Variants in GPC6 observed in about 807,000 individuals in gnomAD.
The protein encoded by GPC6 is glypican 6.
A neutral mutation model predicts 55.2 loss-of-function variants in GPC6; 14 were observed. That is an observed-to-expected ratio of 0.25 (90% CI 0.17 to 0.40). The LOEUF is 0.40. Ranked by LOEUF, GPC6 falls within the 10% of genes least tolerant of loss-of-function variation. The pLI is 1.00. For synonymous variants in GPC6, 278 were observed against 259.6 expected, an observed-to-expected ratio of 1.07 and a Z score of -0.68; for missense variants, 641 against 708.5, an observed-to-expected ratio of 0.90 and a Z score of 1.08.
At chr13:94,202,676 T>A (rs1420749045) in intron 4 of GPC6, among the ~76,000 whole-genome samples, 2 of 152,186 alleles carry the variant, frequency 1.3e-5, no homozygotes, top group Non-Finnish European at 2.9e-5. Flanking sequence ...AAGTATGGGT[T>A]GTTTAGATAA....
chr13:94,075,015 A>AT (rs145362107), intron 4 of GPC6, among the ~76,000 whole-genome samples: 4 of 151,642 alleles, frequency 2.6e-5, no homozygotes, highest in African/African-American at 4.8e-5. Flanking sequence ...TAGACCTTAA[A>AT]TTTTTTTTTA....
At chr13:94,223,664 C>A (rs944840) in intron 4 of GPC6, among the ~76,000 whole-genome samples, 1 of 152,012 alleles carries the variant, frequency 6.6e-6, no homozygotes, top group Non-Finnish European at 1.5e-5. Flanking sequence ...AAATCCTCCA[C>A]GCACTACAAC....
chr13:93,625,027 C>G (rs1281433376), intron 2 of GPC6, among the ~76,000 whole-genome samples: 1 of 152,112 alleles, frequency 6.6e-6, no homozygotes, highest in Non-Finnish European at 1.5e-5. Flanking sequence ...AGTTAAAATA[C>G]CTTATGCTTA....
chr13:94,117,848 T>C (rs1886486207), intron 4 of GPC6, among the ~76,000 whole-genome samples: 1 of 152,096 alleles, frequency 6.6e-6, no homozygotes, highest in Non-Finnish European at 1.5e-5. Context: ...GTGAAGATGA[T>C]TTCTGAATAT....
At chr13:94,120,824 C>T (rs904925109) in intron 4 of GPC6, among the ~76,000 whole-genome samples, 4 of 152,066 alleles carry the variant, frequency 2.6e-5, no homozygotes, top group Non-Finnish European at 5.9e-5. Flanking sequence ...CCAGTGAGTT[C>T]TTCTCTGATT....
chr13:94,013,227 T>C (rs1882319165), intron 3 of GPC6, among the ~76,000 whole-genome samples: 1 of 151,986 alleles, frequency 6.6e-6, no homozygotes, highest in Admixed American at 6.6e-5. Context: ...TGTATATATA[T>C]ATATATATAT....
At chr13:94,063,356 C>T (rs1884401391) in intron 4 of GPC6, among the ~76,000 whole-genome samples, 1 of 152,160 alleles carries the variant, frequency 6.6e-6, no homozygotes, top group Non-Finnish European at 1.5e-5. Context: ...TTGGATGTTG[C>T]TGCAAGGGAG....
intron 1 of GPC6, among the ~76,000 whole-genome samples, chr13:93,388,156 G>C (rs1426609989): frequency 6.6e-6 from 1 of 152,164 alleles, no homozygotes; most frequent in Non-Finnish European, 1.5e-5. Flanking sequence ...GTGTCAGCAA[G>C]ATAACTGCTA....
At chr13:93,927,175 T>C (rs552615241) in intron 3 of GPC6, among the ~76,000 whole-genome samples, 25 of 152,302 alleles carry the variant, frequency 1.6e-4, no homozygotes, top group Middle Eastern at 3.4e-3. Flanking sequence ...TGCTGCTAAG[T>C]CATACAATAT....
intron 2 of GPC6, among the ~76,000 whole-genome samples, chr13:93,574,384 G>A (rs2139479244): frequency 6.6e-6 from 1 of 152,240 alleles, no homozygotes; most frequent in East Asian, 1.9e-4. Context: ...AGCCAAGATT[G>A]AGAAGGATTG....
chr13:93,506,107 G>A (rs927183510), intron 1 of GPC6, among the ~76,000 whole-genome samples: 1 of 152,146 alleles, frequency 6.6e-6, no homozygotes, highest in Non-Finnish European at 1.5e-5. Context: ...ATAGGAGAAA[G>A]TTGTTTATTG....
At chr13:94,188,880 A>G (rs1392058631) in intron 4 of GPC6, among the ~76,000 whole-genome samples, 1 of 152,182 alleles carries the variant, frequency 6.6e-6, no homozygotes, top group Non-Finnish European at 1.5e-5. Context: ...TCAGTCGTCA[A>G]AGGAGTCTGT....
At chr13:93,292,176 A>G (rs1878339984) in intron 1 of GPC6, among the ~76,000 whole-genome samples, 1 of 152,178 alleles carries the variant, frequency 6.6e-6, no homozygotes, top group Admixed American at 6.6e-5. Context: ...TTGTATTTCA[A>G]AGTTTGTGTG....
At chr13:93,990,635 T>C (rs1881255799) in intron 3 of GPC6, among the ~76,000 whole-genome samples, 1 of 151,746 alleles carries the variant, frequency 6.6e-6, no homozygotes, top group Non-Finnish European at 1.5e-5. Context: ...GGTAGGAGAA[T>C]TGCTTGAGGC....
chr13:93,619,488 T>G (rs1018827285), intron 2 of GPC6, among the ~76,000 whole-genome samples: 9 of 152,162 alleles, frequency 5.9e-5, no homozygotes, highest in Non-Finnish European at 1.3e-4. Context: ...GGTTTCCCTT[T>G]GTCACCCAGG....
chr13:93,360,271 G>A (rs1030674737), intron 1 of GPC6, among the ~76,000 whole-genome samples: 3 of 152,166 alleles, frequency 2.0e-5, no homozygotes, highest in Admixed American at 2.0e-4. Flanking sequence ...TCAGAGACCA[G>A]ACTGAAATAT....
intron 2 of GPC6, among the ~76,000 whole-genome samples, chr13:93,746,685 C>G (rs1052266539): frequency 6.6e-6 from 1 of 152,144 alleles, no homozygotes; most frequent in Non-Finnish European, 1.5e-5. Flanking sequence ...CCAAAGGTGT[C>G]TATAGCATAG....
intron 1 of GPC6, among the ~76,000 whole-genome samples, chr13:93,282,201 G>A (rs1440340641): frequency 6.6e-6 from 1 of 152,090 alleles, no homozygotes; most frequent in South Asian, 2.1e-4. Context: ...GTTTTTCATA[G>A]GACAATCAGA....
chr13:93,672,083 C>G (rs1051837690), intron 2 of GPC6, among the ~76,000 whole-genome samples: 4 of 150,046 alleles, frequency 2.7e-5, no homozygotes, highest in African/African-American at 9.8e-5. Context: ...GAACAAGGAA[C>G]AGAACAACGT....
Sources: gnomAD v4.1 joint callset for allele counts (sites outside exome capture counted in the v4.1 genomes callset) on GRCh38, gnomAD v4.1.1 for gene constraint, MANE v1.5 for transcripts, NCBI Gene and HGNC (gene_info 2026-07-23, HGNC 2026-07-21) for gene names.